The following CRYBA1 variants were observed in gnomAD, a reference collection of about 807,000 sequenced individuals.
The protein encoded by CRYBA1 is crystallin beta A1.
Under a neutral mutation model 36.2 loss-of-function variants are expected in CRYBA1, and 25 were observed. The ratio of observed to expected loss-of-function variants is 0.69; its 90% CI spans 0.50 to 0.97. The LOEUF (loss-of-function observed/expected upper bound fraction) is 0.97. Among genes scored for constraint, CRYBA1 ranks in the 50% least tolerant of loss-of-function variants. CRYBA1 has a pLI of 0.00. For missense variants in CRYBA1, 224 were observed against 276.3 expected (o/e 0.81, Z 1.34); for synonymous variants, 111 against 90.0 (o/e 1.23, Z -1.32).
intron 4 of CRYBA1, 26 bp downstream of exon 4, chr17:29,252,231 G>A (rs372227815): frequency 1.4e-4 from 224 of 1,613,402 alleles, no homozygotes; most frequent in Middle Eastern, 6.8e-4. Context: ...TTCCACTTCC[G>A]TGCATATGAG....
intron 1 of CRYBA1, 58 bp downstream of exon 1, chr17:29,246,952 C>T (rs1165439845): frequency 1.9e-6 from 3 of 1,550,260 alleles, no homozygotes; most frequent in African/African-American, 1.4e-5. Flanking sequence ...CAGAGACATG[C>T]CCAGGAGAGG....
In CRYBA1 at chr17:29,250,394, C is replaced by A. The variant is rs1363164924; in HGVS notation, c.215+94C>A. On this transcript the variant is annotated intron_variant, in intron 3 of 5. Transcript: ENST00000225387. ...GGGGATAGGGGAAGAAGGATGTTCC[C>A]CTAGGCTCTAGTCATTTCTCGGAGA... 5.0e-6 allele frequency: 4 copies of A among 805,200 alleles called. No individual in the cohort carries two copies. In the Admixed American group the frequency reaches 5.1e-5, roughly 10 times the overall value. The allele number at this position is 805,200 out of a possible 1,614,324, so 49.9% of individuals were successfully genotyped here.
At chr17:29,252,006 C>T in intron 3 of CRYBA1, 58 bp from the exon 4 acceptor site, 1 of 1,612,090 alleles carries the variant, frequency 6.2e-7, no homozygotes, top group East Asian at 2.2e-5. Flanking sequence ...AAGATGCCTT[C>T]TCCCCAAGGC....
intron 3 of CRYBA1, among the ~76,000 whole-genome samples, chr17:29,251,656 A>C (rs2068936066): frequency 6.6e-6 from 1 of 151,928 alleles, no homozygotes; most frequent in Non-Finnish European, 1.5e-5. Context: ...CTAATTTTTG[A>C]GTTTTGTAGA....
chr17:29,247,172 G>T (rs2068905864), intron 1 of CRYBA1, among the ~76,000 whole-genome samples: 1 of 152,222 alleles, frequency 6.6e-6, no homozygotes, highest in South Asian at 2.1e-4. Flanking sequence ...GGGAAATGTT[G>T]CTTATTCAGA....
chr17:29,249,912 C>T (rs2068925050), intron 2 of CRYBA1, among the ~76,000 whole-genome samples: 1 of 152,202 alleles, frequency 6.6e-6, no homozygotes, highest in Admixed American at 6.6e-5. Flanking sequence ...CTTGGCCTGT[C>T]CATTGGTCTA....
At chr17:29,250,386 G>C in intron 3 of CRYBA1, 86 bp downstream of exon 3, 4 of 822,304 alleles carry the variant, frequency 4.9e-6, no homozygotes, top group Non-Finnish European at 6.5e-6. Flanking sequence ...GGGGAAGAAG[G>C]ATGTTCCCCT....
intron 1 of CRYBA1, among the ~76,000 whole-genome samples, chr17:29,248,677 T>C (rs888347873): frequency 1.3e-5 from 2 of 151,834 alleles, no homozygotes; most frequent in Admixed American, 6.6e-5. Flanking sequence ...TTATTTCTGA[T>C]CCTTACAATA....
At chr17:29,252,581 C>G (rs940526486) in intron 4 of CRYBA1, among the ~76,000 whole-genome samples, 3 of 152,142 alleles carry the variant, frequency 2.0e-5, no homozygotes, top group African/African-American at 7.2e-5. Flanking sequence ...CTGAAGTAAC[C>G]TTTCAGTAAG....
chr17:29,250,396 T>C (rs918029246), intron 3 of CRYBA1, 96 bp downstream of exon 3: 2 of 799,128 alleles, frequency 2.5e-6, no homozygotes, highest in Non-Finnish European at 4.5e-6. Flanking sequence ...GATGTTCCCC[T>C]AGGCTCTAGT....
At chr17:29,247,505 AGGGCC>A (rs1464428508) in intron 1 of CRYBA1, among the ~76,000 whole-genome samples, 12 of 152,274 alleles carry the variant, frequency 7.9e-5, no homozygotes, top group South Asian at 6.2e-4. Flanking sequence ...CATTTAAAAC[AGGGCC>A]GGACATGTAG....
chr17:29,247,028 C>T (rs887340974), intron 1 of CRYBA1, 134 bp downstream of exon 1: 28 of 952,876 alleles, frequency 2.9e-5, no homozygotes, highest in African/African-American at 1.3e-4. Flanking sequence ...GGAACTCTGG[C>T]GGAAGACAGC....
In CRYBA1 at chr17:29,249,190, C is replaced by T; in HGVS notation, c.80C>T (p.Ser27Phe). ...KMAQTNPTPGSLGPWKITIYD... is the reference protein window; with the variant it reads ...KMAQTNPTPGFLGPWKITIYD... ...GCTCAGACCAACCCTACGCCGGGGT[C>T]CCTGGGGCCATGGAAGGTAAGCCCA... Residue 27 changes from serine to phenylalanine, a missense_variant, in exon 2 of 6, where the codon TCC becomes TTC. Coordinates refer to ENST00000225387, the MANE Select transcript of CRYBA1 (RefSeq NM_005208.5). 3 of 1,612,386 alleles carry T rather than the reference C, an allele frequency of 1.9e-6. No homozygotes were observed. The highest frequency in any genetic ancestry group is 3.3e-5 in the Admixed American group (2 of 60,020).
Position 29,254,289 on chromosome 17 carries a change from A to G in CRYBA1, c.588A>G (p.Arg196=). ...ATGGAGGAGACTATAAACATTGGAG[A>G]GAGTGGGGCTCTCATGCCCAGACTT... ...DHHGGDYKHW[R]EWGSHAQTSQ... Residue 196 remains arginine (R), a synonymous_variant, in exon 6 of 6, where the codon AGA becomes AGG. Coordinates refer to ENST00000225387, the MANE Select transcript of CRYBA1 (RefSeq NM_005208.5). The G allele has an allele frequency of 6.2e-7, 1 of 1,614,104 alleles. No homozygotes were observed. The highest frequency in any genetic ancestry group is 8.5e-7 in the Non-Finnish European group (1 of 1,180,010).
chr17:29,252,781 G>A (rs1201997893), intron 4 of CRYBA1, among the ~76,000 whole-genome samples: 1 of 152,202 alleles, frequency 6.6e-6, no homozygotes, highest in East Asian at 1.9e-4. Flanking sequence ...CCCTGTATTA[G>A]GAGTTAGGTT....
At chr17:29,253,027 A>C (rs907781067) in intron 4 of CRYBA1, among the ~76,000 whole-genome samples, 7 of 152,220 alleles carry the variant, frequency 4.6e-5, no homozygotes, top group African/African-American at 1.7e-4. Context: ...ACAGACCCTA[A>C]GTGAATATTC....
chr17:29,252,196 C>T lies in CRYBA1; in HGVS notation c.348C>T (p.Ile116=). ...HIERLMSFRP[I]CSANHKESKM... ...AGCGTCTCATGTCCTTCCGCCCCATCTGTTCAGCTGTGAGTCTCTGAAATT... is the reference window on the plus strand; with the variant it reads ...AGCGTCTCATGTCCTTCCGCCCCATTTGTTCAGCTGTGAGTCTCTGAAATT... The change falls in exon 4 of 6, where the codon ATC becomes ATT. Residue 116 remains isoleucine (I), a synonymous_variant. Coordinates refer to ENST00000225387, the MANE Select transcript of CRYBA1 (RefSeq NM_005208.5). 6.2e-7 allele frequency: 1 copy of T among 1,614,138 alleles called. No individual in the cohort carries two copies. The highest frequency in any genetic ancestry group is 8.5e-7 in the Non-Finnish European group (1 of 1,180,036).
rs1486937113 is a variant in CRYBA1, at chr17:29,254,402, C to T, written c.*53C>T. The T allele has an allele frequency of 6.3e-7, 1 of 1,578,588 alleles. No individual in the cohort carries two copies. The highest frequency in any genetic ancestry group is 1.7e-5 in the Admixed American group (1 of 59,926). ...TCCTCAAGCATGAGACCTTGCTAAG[C>T]ACTCTAGAATAAGTTTTATGTTCTG... is the stretch of plus-strand genomic sequence containing the variant. On this transcript the variant is annotated 3_prime_UTR_variant, in exon 6 of 6. Coordinates refer to ENST00000225387, the MANE Select transcript of CRYBA1 (RefSeq NM_005208.5).
intron 2 of CRYBA1, 73 bp downstream of exon 2, chr17:29,249,279 C>A: frequency 9.3e-7 from 1 of 1,073,624 alleles, no homozygotes; most frequent in Non-Finnish European, 1.4e-6. Context: ...GGCCTGTGCT[C>A]GTCCATAAGG....
Sources: allele counts gnomAD v4.1 joint callset (sites outside exome capture counted in the v4.1 genomes callset), GRCh38; gene constraint gnomAD v4.1.1; transcripts MANE v1.5; gene names NCBI Gene and HGNC (gene_info 2026-07-23, HGNC 2026-07-21).